The following CA10 variants were observed in gnomAD, a reference collection of about 807,000 sequenced individuals.
CA10 encodes carbonic anhydrase-related protein 10.
CA10 carries 14 observed loss-of-function variants against 44.2 expected under a neutral mutation model. That is an observed-to-expected ratio of 0.32 (90% CI 0.21 to 0.50). The LOEUF is 0.50. CA10 is among the 20% of genes least tolerant of loss of function. The pLI is 0.99. For missense variants in CA10, 350 were observed against 409.7 expected, an observed-to-expected ratio of 0.85 and a Z score of 1.26; for synonymous variants, 159 against 141.6, an observed-to-expected ratio of 1.12 and a Z score of -0.87.
chr17:51,745,463 T>C (rs1023139834), intron 4 of CA10, among the ~76,000 whole-genome samples: 1 of 152,212 alleles, frequency 6.6e-6, no homozygotes, highest in Non-Finnish European at 1.5e-5. Flanking sequence ...TGTACCATTG[T>C]GGAAGTGCTT....
chr17:52,083,837 A>C (rs1416176963), intron 1 of CA10, among the ~76,000 whole-genome samples: 2 of 151,934 alleles, frequency 1.3e-5, no homozygotes, highest in Non-Finnish European at 2.9e-5. Flanking sequence ...TGTTGATTCC[A>C]TATCTTTGCT....
intron 3 of CA10, among the ~76,000 whole-genome samples, chr17:51,783,949 T>C (rs1235036980): frequency 6.6e-6 from 1 of 152,086 alleles, no homozygotes; most frequent in Non-Finnish European, 1.5e-5. Context: ...ATCTTTAGAA[T>C]CTGCCTACTG....
At chr17:52,121,564 C>G (rs1011643302) in intron 1 of CA10, among the ~76,000 whole-genome samples, 5 of 151,952 alleles carry the variant, frequency 3.3e-5, no homozygotes, top group African/African-American at 1.2e-4. Flanking sequence ...TAGAAAGAGA[C>G]CTTCATTTCA....
chr17:51,744,502 G>C lies in CA10; in HGVS notation c.465+3131C>G, dbSNP rs58617634. ...CACACCTATAATCCTAGCACTTTGTGGGGGGGCCAAGACAAAAGAATTGAT... is the reference window on the plus strand; with the variant it reads ...CACACCTATAATCCTAGCACTTTGTCGGGGGGCCAAGACAAAAGAATTGAT... On this transcript the variant is annotated intron_variant, in intron 4 of 8. Coordinates refer to ENST00000451037, the MANE Select transcript of CA10 (RefSeq NM_020178.5). 1.2e-3 allele frequency among the ~76,000 whole-genome samples: 176 copies of C among 146,496 alleles called. 1 individual carries two copies. The highest frequency in any genetic ancestry group is 3.8e-3 in the African/African-American group (139 of 36,340).
At chr17:51,905,685 G>A (rs558718624) in intron 3 of CA10, among the ~76,000 whole-genome samples, 39 of 152,008 alleles carry the variant, frequency 2.6e-4, no homozygotes, top group African/African-American at 9.2e-4. Flanking sequence ...AAGATATACA[G>A]TTATCATTTC....
intron 2 of CA10, among the ~76,000 whole-genome samples, chr17:52,048,503 A>G (rs1986974988): frequency 1.3e-5 from 2 of 152,032 alleles, no homozygotes; most frequent in South Asian, 2.1e-4. Flanking sequence ...TGTCTATCGT[A>G]AAGAGTACAA....
chr17:51,947,623 A>G (rs1268126279), intron 2 of CA10, among the ~76,000 whole-genome samples: 1 of 152,152 alleles, frequency 6.6e-6, no homozygotes, highest in Non-Finnish European at 1.5e-5. Flanking sequence ...AAGTTTTAAC[A>G]ATGCAGCACT....
intron 1 of CA10, among the ~76,000 whole-genome samples, chr17:52,080,928 A>G (rs778035607): frequency 9.9e-5 from 15 of 152,162 alleles, no homozygotes; most frequent in Non-Finnish European, 1.9e-4. Context: ...TCTAGTGAGT[A>G]CCTATGATTG....
intron 2 of CA10, among the ~76,000 whole-genome samples, chr17:52,048,808 C>T (rs1016127675): frequency 3.3e-5 from 5 of 151,904 alleles, no homozygotes; most frequent in Non-Finnish European, 5.9e-5. Context: ...GAAGTTGAGG[C>T]CAAATTGCAG....
chr17:51,757,405 C>T (rs1905106015), intron 3 of CA10, among the ~76,000 whole-genome samples: 1 of 152,180 alleles, frequency 6.6e-6, no homozygotes, highest in African/African-American at 2.4e-5. Flanking sequence ...GATCATCAAG[C>T]TCTTATTCAA....
At chr17:51,829,357 G>A (rs1464537724) in intron 3 of CA10, among the ~76,000 whole-genome samples, 3 of 152,156 alleles carry the variant, frequency 2.0e-5, no homozygotes, top group African/African-American at 7.2e-5. Context: ...TATACGTATG[G>A]ATTGTCCAAG....
At chr17:51,680,045 A>T (rs889985059) in intron 4 of CA10, among the ~76,000 whole-genome samples, 1 of 152,202 alleles carries the variant, frequency 6.6e-6, no homozygotes, top group Non-Finnish European at 1.5e-5. Flanking sequence ...AGTAGTTGCA[A>T]CTGAGACCAT....
intron 1 of CA10, among the ~76,000 whole-genome samples, chr17:52,143,730 G>A (rs1989528521): frequency 6.6e-6 from 1 of 152,220 alleles, no homozygotes; most frequent in South Asian, 2.1e-4. Flanking sequence ...AGGAGTAGGG[G>A]TTTAGTGGAT....
chr17:51,719,235 G>T (rs1916275192), intron 4 of CA10, among the ~76,000 whole-genome samples: 1 of 152,186 alleles, frequency 6.6e-6, no homozygotes, highest in African/African-American at 2.4e-5. Flanking sequence ...GCAAATTGAG[G>T]CATGAAGGCA....
chr17:52,104,585 A>C (rs1181925218), intron 1 of CA10, among the ~76,000 whole-genome samples: 2 of 152,058 alleles, frequency 1.3e-5, no homozygotes, highest in African/African-American at 2.4e-5. Flanking sequence ...CAAAGCATCC[A>C]TTCTCCCACC....
At chr17:51,691,031 A>G (rs1043187151) in intron 4 of CA10, among the ~76,000 whole-genome samples, 8 of 152,340 alleles carry the variant, frequency 5.3e-5, no homozygotes, top group Admixed American at 2.0e-4. Flanking sequence ...TAATGCTGCA[A>G]CAAATATGGG....
chr17:52,062,027 A>G (rs1377256257), intron 2 of CA10, among the ~76,000 whole-genome samples: 1 of 150,072 alleles, frequency 6.7e-6, no homozygotes, highest in Admixed American at 6.6e-5. Context: ...AATTCACTAT[A>G]TGCCGCAAAG....
intron 3 of CA10, among the ~76,000 whole-genome samples, chr17:51,868,647 T>G (rs1420151177): frequency 1.3e-5 from 2 of 152,196 alleles, no homozygotes; most frequent in East Asian, 3.8e-4. Flanking sequence ...GATTCCTGTT[T>G]TTTTCTCTCC....
At chr17:51,773,596 G>A (rs964425991) in intron 3 of CA10, among the ~76,000 whole-genome samples, 2 of 152,194 alleles carry the variant, frequency 1.3e-5, no homozygotes, top group African/African-American at 2.4e-5. Flanking sequence ...GTGTGACCAC[G>A]GGAAAACTGT....
Sources: gnomAD v4.1 joint callset for allele counts (sites outside exome capture counted in the v4.1 genomes callset) on GRCh38, gnomAD v4.1.1 for gene constraint, MANE v1.5 for transcripts, NCBI Gene and HGNC (gene_info 2026-07-23, HGNC 2026-07-21) for gene names.